Variants in PHEX observed in about 807,000 individuals in gnomAD.
PHEX encodes the protein phosphate regulating endopeptidase X-linked, also known as phosphate-regulating neutral endopeptidase PHEX.
Under a neutral mutation model 68.0 loss-of-function variants are expected in PHEX, and 16 were observed. The observed-to-expected ratio is 0.24, with a 90% CI of 0.16 to 0.36. PHEX has a LOEUF of 0.36. PHEX is among the 10% of genes least tolerant of loss of function. The pLI is 1.00. For synonymous variants in PHEX, 208 were observed against 205.1 expected, an observed-to-expected ratio of 1.01 and a Z score of -0.12; for missense variants, 480 against 575.5, an observed-to-expected ratio of 0.83 and a Z score of 1.70.
chrX:22,242,949 C>A (rs1210795060), intron 20 of PHEX, among the ~76,000 whole-genome samples: 1 of 110,207 alleles, frequency 9.1e-6, no homozygotes, highest in East Asian at 2.8e-4. Flanking sequence ...TCATATGGAA[C>A]CAAAAAGGAG....
intron 12 of PHEX, among the ~76,000 whole-genome samples, chrX:22,139,521 G>C (rs1906440686): frequency 9.0e-6 from 1 of 110,702 alleles, no homozygotes; most frequent in Admixed American, 9.7e-5. Flanking sequence ...TGTTGCCCAG[G>C]CTGGAGTGCA....
chrX:22,213,320 G>A (rs1046270160), intron 16 of PHEX, among the ~76,000 whole-genome samples: 1 of 111,957 alleles, frequency 8.9e-6, no homozygotes, highest in African/African-American at 3.2e-5. Context: ...GGAGGGAAAA[G>A]TGCTTCTATA....
At chrX:22,041,130 G>A (rs950110252) in intron 2 of PHEX, among the ~76,000 whole-genome samples, 9 of 108,901 alleles carry the variant, frequency 8.3e-5, no homozygotes, top group African/African-American at 2.7e-4. Context: ...GGTGTTTATT[G>A]AGATGGGAAA....
intron 12 of PHEX, among the ~76,000 whole-genome samples, chrX:22,138,820 G>C (rs1341608739): frequency 8.9e-6 from 1 of 112,045 alleles, no homozygotes; most frequent in African/African-American, 3.2e-5. Flanking sequence ...TCCACTCCAG[G>C]GCTCACCAGG....
rs778581931 is a variant in PHEX, at chrX:22,086,504, G to C, written c.664-3925G>C. On this transcript the variant is annotated intron_variant, in intron 5 of 21. Coordinates refer to ENST00000379374, the MANE Select transcript of PHEX (RefSeq NM_000444.6). Reference sequence around the variant, plus strand: ...GGAAAATTTCTGCAGGCTTGTTGCTGGACAGATTGGTTGGAAGGGCATCAT... The same window carrying C: ...GGAAAATTTCTGCAGGCTTGTTGCTCGACAGATTGGTTGGAAGGGCATCAT... 2.7e-5 allele frequency among the ~76,000 whole-genome samples: 3 copies of C among 111,440 alleles called. No homozygotes were observed. The East Asian group carries it at 8.5e-4, about 31-fold the overall frequency.
chrX:22,101,039 G>T (rs1047060016), intron 9 of PHEX, among the ~76,000 whole-genome samples: 2 of 111,029 alleles, frequency 1.8e-5, no homozygotes, highest in African/African-American at 6.6e-5. Context: ...AGCTGGGCGT[G>T]GTGGCTGGCA....
Position 22,099,071 on chromosome X carries a change from C to A in PHEX, c.999C>A (p.Ile333=). Residue 333 remains isoleucine (I), a synonymous_variant, in exon 9 of 22, where the codon ATC becomes ATA. Coordinates refer to ENST00000379374, the MANE Select transcript of PHEX (RefSeq NM_000444.6). ...DTRLYPHLKD[I]SPSENVVVRV... is the part of the protein sequence containing the mutation. Reference sequence around the variant, plus strand: ...GACTCTACCCCCATCTGAAAGACATCAGCCCCTCCGAGAATGTGGTGGTCC... The same window carrying A: ...GACTCTACCCCCATCTGAAAGACATAAGCCCCTCCGAGAATGTGGTGGTCC... 8.3e-7 allele frequency: 1 copy of A among 1,206,824 alleles called. No homozygotes were observed. Among genetic ancestry groups the A allele is most frequent in the Non-Finnish European group, 1.1e-6 (1 of 891,172 alleles).
intron 12 of PHEX, among the ~76,000 whole-genome samples, chrX:22,140,442 G>A (rs1478430274): frequency 9.0e-6 from 1 of 111,450 alleles, no homozygotes; most frequent in African/African-American, 3.3e-5. Flanking sequence ...TCCAACGTTT[G>A]AAGATGTTTA....
chrX:22,245,189 A>G lies in PHEX; in HGVS notation c.2071-144A>G. On this transcript the variant is annotated intron_variant, in intron 20 of 21. Coordinates refer to ENST00000379374, the MANE Select transcript of PHEX (RefSeq NM_000444.6). ...ATCAGAATAATAGATGTTATTACAG[A>G]TGACGGTTTTATTTGATCTTCTAAA... The G allele has an allele frequency of 7.1e-6, 4 of 560,312 alleles. No individual in the cohort carries two copies. In the South Asian group the frequency reaches 9.2e-5, roughly 13 times the overall value. 46.2% of individuals were successfully genotyped at this position (560,312 alleles called of 1,213,427 possible).
At chrX:22,206,852 G>A (rs1934728004) in intron 15 of PHEX, among the ~76,000 whole-genome samples, 1 of 110,842 alleles carries the variant, frequency 9.0e-6, no homozygotes, top group African/African-American at 3.3e-5. Context: ...ATACTTGTTT[G>A]TACTAAAAAA....
At chrX:22,083,099 A>G (rs774647915) in intron 5 of PHEX, among the ~76,000 whole-genome samples, 17 of 112,255 alleles carry the variant, frequency 1.5e-4, no homozygotes, top group African/African-American at 4.2e-4. Flanking sequence ...CAATGGGTAA[A>G]GGACTGTGGT....
intron 5 of PHEX, 39 bp downstream of exon 5, chrX:22,077,741 A>G (rs1410055991): frequency 1.9e-6 from 2 of 1,052,112 alleles, no homozygotes; most frequent in Admixed American, 4.4e-5. Flanking sequence ...GCTCAGTCCT[A>G]GATTAGCCTT....
At chrX:22,070,499 G>A (rs1425094045) in intron 3 of PHEX, among the ~76,000 whole-genome samples, 1 of 111,568 alleles carries the variant, frequency 9.0e-6, no homozygotes, top group African/African-American at 3.3e-5. Flanking sequence ...GGGCAATATA[G>A]CGAGACCCCA....
At chrX:22,231,628 C>A (rs901677756) in intron 20 of PHEX, among the ~76,000 whole-genome samples, 1 of 111,591 alleles carries the variant, frequency 9.0e-6, no homozygotes, top group Non-Finnish European at 1.9e-5. Flanking sequence ...TCCCCTTTAT[C>A]ATTTTTTATT....
chrX:22,123,605 T>A (rs1931582935), intron 11 of PHEX, among the ~76,000 whole-genome samples: 1 of 111,055 alleles, frequency 9.0e-6, no homozygotes, highest in Non-Finnish European at 1.9e-5. Context: ...AGATTGCCTC[T>A]TTTTAATTTA....
chrX:22,075,420 G>A (rs950927376), intron 3 of PHEX, among the ~76,000 whole-genome samples: 1 of 109,241 alleles, frequency 9.2e-6, no homozygotes. Context: ...AGTATTATAG[G>A]AACATCTGTT....
chrX:22,248,465 T>C lies in PHEX; in HGVS notation c.*512T>C, dbSNP rs1440925557. 1.7e-5 allele frequency: 2 copies of C among 119,520 alleles called. No homozygotes were observed. The highest frequency in any genetic ancestry group is 6.4e-5 in the African/African-American group (2 of 31,010). The allele number at this position is 119,520 out of a possible 1,213,427, so 9.8% of individuals were successfully genotyped here. The stretch of plus-strand genomic sequence containing the variant: ...TACACAGCATTCCTCAACTGTAAGG[T>C]AGTTAAATTAGAAATATGTTTGATC... On this transcript the variant is annotated 3_prime_UTR_variant, in exon 22 of 22. Coordinates refer to ENST00000379374, the MANE Select transcript of PHEX (RefSeq NM_000444.6).
chrX:22,073,800 C>T (rs1346838966), intron 3 of PHEX, among the ~76,000 whole-genome samples: 4 of 109,044 alleles, frequency 3.7e-5, no homozygotes, highest in East Asian at 5.7e-4. Flanking sequence ...CCACCATACC[C>T]GGCTAATTTT....
At chrX:22,112,414 T>A (rs532168692) in intron 10 of PHEX, among the ~76,000 whole-genome samples, 1 of 112,307 alleles carries the variant, frequency 8.9e-6, no homozygotes, top group African/African-American at 3.2e-5. Flanking sequence ...AAGGATTTTG[T>A]ATCTTTGAAA....
Sources: allele counts gnomAD v4.1 joint callset (sites outside exome capture counted in the v4.1 genomes callset), GRCh38; gene constraint gnomAD v4.1.1; transcripts MANE v1.5; gene names NCBI Gene and HGNC (gene_info 2026-07-23, HGNC 2026-07-21).